RPAP2: variants seen among roughly 807,000 people sequenced by gnomAD.
RPAP2 encodes putative RNA polymerase II subunit B1 CTD phosphatase RPAP2.
In RPAP2, 52 loss-of-function variants were observed where a neutral mutation model predicts 73.1. The observed-to-expected ratio is 0.71, with a 90% CI of 0.57 to 0.90. The LOEUF (loss-of-function observed/expected upper bound fraction) is 0.90, where lower values mean the gene tolerates loss of function less well. Among genes scored for constraint, RPAP2 ranks in the 40% least tolerant of loss-of-function variants. RPAP2 has a pLI of 0.00. For synonymous variants in RPAP2, 225 were observed against 242.1 expected (o/e 0.93, Z 0.65); for missense variants, 598 against 701.8 (o/e 0.85, Z 1.67).
chr1:92,379,833 G>A (rs1016227701), intron 11 of RPAP2, among the ~76,000 whole-genome samples: 3 of 151,890 alleles, frequency 2.0e-5, no homozygotes, highest in African/African-American at 7.3e-5. Context: ...TACTCAGGAG[G>A]CTGAGGCAGG....
intron 10 of RPAP2, among the ~76,000 whole-genome samples, chr1:92,339,032 A>G (rs12122699): frequency 0.15 from 22,442 of 152,170 alleles, 2,103 homozygotes; most frequent in South Asian, 0.26. Flanking sequence ...AATAAGCCCT[A>G]TGGTCTCCAA....
intron 11 of RPAP2, among the ~76,000 whole-genome samples, chr1:92,372,585 G>GA (rs1194584839): frequency 6.6e-6 from 1 of 152,142 alleles, no homozygotes; most frequent in Non-Finnish European, 1.5e-5. Context: ...GGGGGAGGGG[G>GA]AATGAAGAAA....
intron 11 of RPAP2, among the ~76,000 whole-genome samples, chr1:92,369,401 GT>G (rs1236624856): frequency 1.3e-5 from 2 of 152,124 alleles, no homozygotes; most frequent in African/African-American, 4.8e-5. Context: ...AAGTTTACAA[GT>G]TGTGGGAACC....
chr1:92,378,428 T>C lies in RPAP2; in HGVS notation c.1689-2296T>C, dbSNP rs1571146818. Among the ~76,000 whole-genome samples, 3 of 152,304 alleles carry C rather than the reference T, an allele frequency of 2.0e-5. No individual in the cohort carries two copies. In the East Asian group the frequency reaches 5.8e-4, roughly 29 times the overall value. Reference sequence around the variant, plus strand: ...TGGGGTTTCACCATGTTGGCCAGGCTGGTTTTGAACTCCTGACCAAATGAT... The same window carrying C: ...TGGGGTTTCACCATGTTGGCCAGGCCGGTTTTGAACTCCTGACCAAATGAT... On this transcript the variant is annotated intron_variant, in intron 11 of 12. Transcript: ENST00000610020.
Position 92,393,881 on chromosome 1 carries a change from G to A in RPAP2, c.*6870G>A, listed in dbSNP as rs1170609328. 1 of 152,166 alleles carries A rather than the reference G, an allele frequency of 6.6e-6. No individual in the cohort carries two copies. Among genetic ancestry groups the A allele is most frequent in the Non-Finnish European group, 1.5e-5 (1 of 68,038 alleles). The allele number at this position is 152,166 out of a possible 1,614,324, so 9.4% of individuals were successfully genotyped here. ...GAACGCTTTTACACTGTTGGTGGGAGTGCAAATTAGTCCGACCATTGTGGA... is the reference window on the plus strand; with the variant it reads ...GAACGCTTTTACACTGTTGGTGGGAATGCAAATTAGTCCGACCATTGTGGA... On this transcript the variant is annotated 3_prime_UTR_variant, in exon 13 of 13. Coordinates refer to ENST00000610020, the MANE Select transcript of RPAP2 (RefSeq NM_024813.3).
At chr1:92,359,567 G>A (rs1301013935) in intron 11 of RPAP2, among the ~76,000 whole-genome samples, 2 of 152,266 alleles carry the variant, frequency 1.3e-5, no homozygotes, top group East Asian at 3.9e-4. Context: ...TGATTCACCC[G>A]CCTTGGCCTC....
chr1:92,361,118 T>C (rs3041544), intron 11 of RPAP2, among the ~76,000 whole-genome samples: 441 of 5,546 alleles, frequency 0.08, 4 homozygotes, highest in East Asian at 0.44. Flanking sequence ...CACACACACA[T>C]ATATATATAT....
At chr1:92,313,873 CT>C (rs1651743043) in intron 6 of RPAP2, among the ~76,000 whole-genome samples, 1 of 152,338 alleles carries the variant, frequency 6.6e-6, no homozygotes, top group Admixed American at 6.5e-5. Context: ...TCACCTTGCA[CT>C]TTTATGTTGT....
chr1:92,375,040 T>C (rs942214664), intron 11 of RPAP2, among the ~76,000 whole-genome samples: 3 of 152,280 alleles, frequency 2.0e-5, no homozygotes, highest in African/African-American at 7.2e-5. Context: ...TAATAAAGCA[T>C]GTTAAATGAA....
At chr1:92,348,792 T>C (rs1365014386) in intron 11 of RPAP2, among the ~76,000 whole-genome samples, 1 of 152,216 alleles carries the variant, frequency 6.6e-6, no homozygotes, top group East Asian at 1.9e-4. Flanking sequence ...TTCTATAAAG[T>C]ATAATTATAC....
At chr1:92,328,501 G>GT (rs1652775049) in intron 8 of RPAP2, among the ~76,000 whole-genome samples, 1 of 152,088 alleles carries the variant, frequency 6.6e-6, no homozygotes, top group South Asian at 2.1e-4. Flanking sequence ...AGTTGTGATA[G>GT]TTTTTTATTT....
intron 12 of RPAP2, among the ~76,000 whole-genome samples, chr1:92,381,080 C>T (rs1385372996): frequency 1.3e-5 from 2 of 152,110 alleles, no homozygotes. Context: ...TGTTGCATTC[C>T]TCTCTTGTAG....
intron 6 of RPAP2, among the ~76,000 whole-genome samples, chr1:92,315,476 A>C (rs754827747): frequency 5.3e-5 from 8 of 152,262 alleles, no homozygotes; most frequent in Non-Finnish European, 1.2e-4. Flanking sequence ...TGGCAGACAC[A>C]GTTACCACAA....
At chr1:92,360,107 A>C (rs1214719987) in intron 11 of RPAP2, among the ~76,000 whole-genome samples, 2 of 152,248 alleles carry the variant, frequency 1.3e-5, no homozygotes, top group Non-Finnish European at 2.9e-5. Context: ...TCTGACTTCA[A>C]AATATGTACT....
In RPAP2 at chr1:92,387,013, A is replaced by G. The variant is rs750822549; in HGVS notation, c.*2A>G. 24 of 1,589,274 alleles carry G rather than the reference A, an allele frequency of 1.5e-5. No homozygotes were observed. The Admixed American group carries it at 3.1e-4, about 20-fold the overall frequency. ...AAGTATCCTTTTTTGCTTCACAGAT[A>G]TATTCCATGAAGACAAAATAGAAGA... is the stretch of plus-strand genomic sequence containing the variant. On this transcript the variant is annotated splice_region_variant and 3_prime_UTR_variant, in exon 13 of 13. Coordinates refer to ENST00000610020, the MANE Select transcript of RPAP2 (RefSeq NM_024813.3).
rs1172807209 is a variant in RPAP2, at chr1:92,376,273, A to G, written c.1689-4451A>G. 4.6e-5 allele frequency among the ~76,000 whole-genome samples: 7 copies of G among 152,222 alleles called. No individual in the cohort carries two copies. In the South Asian group the frequency reaches 1.2e-3, roughly 27 times the overall value. On this transcript the variant is annotated intron_variant, in intron 11 of 12. Transcript: ENST00000610020. ...ATTTCCATGGGAGGTCCTGGAGCCA[A>G]TCCCCGACAGATACTGAGAGACGAC...
At chr1:92,315,523 G>A (rs1024329579) in intron 6 of RPAP2, among the ~76,000 whole-genome samples, 3 of 152,126 alleles carry the variant, frequency 2.0e-5, no homozygotes, top group South Asian at 2.1e-4. Context: ...TTTGCAAAGC[G>A]CAGTAAAGGA....
chr1:92,319,620 T>C (rs548078531), intron 6 of RPAP2, among the ~76,000 whole-genome samples: 2 of 152,282 alleles, frequency 1.3e-5, no homozygotes, highest in African/African-American at 2.4e-5. Flanking sequence ...TTACTGACCA[T>C]GTAAAGGAAA....
intron 12 of RPAP2, among the ~76,000 whole-genome samples, chr1:92,383,561 C>T (rs540677760): frequency 6.6e-6 from 1 of 152,244 alleles, no homozygotes; most frequent in East Asian, 1.9e-4. Context: ...CATGATTTGG[C>T]TGTTTGTCTG....
Sources: gnomAD v4.1 joint callset for allele counts (sites outside exome capture counted in the v4.1 genomes callset) on GRCh38, gnomAD v4.1.1 for gene constraint, MANE v1.5 for transcripts, NCBI Gene and HGNC (gene_info 2026-07-23, HGNC 2026-07-21) for gene names.